The following CCDC85A variants were observed in gnomAD, a reference collection of about 807,000 sequenced individuals.
The protein encoded by CCDC85A is coiled-coil domain-containing protein 85A.
A neutral mutation model predicts 50.2 loss-of-function variants in CCDC85A; 38 were observed. That is an observed-to-expected ratio of 0.76 (90% CI 0.58 to 0.99). CCDC85A has a LOEUF of 0.99. CCDC85A is among the 50% of genes least tolerant of loss of function. The pLI is 0.00. For synonymous variants in CCDC85A, 366 were observed against 301.4 expected, an observed-to-expected ratio of 1.21 and a Z score of -2.22; for missense variants, 820 against 742.0, an observed-to-expected ratio of 1.11 and a Z score of -1.22.
At chr2:56,281,169 TTAAAG>T (rs1315439948) in intron 2 of CCDC85A, among the ~76,000 whole-genome samples, 1 of 152,202 alleles carries the variant, frequency 6.6e-6, no homozygotes, top group Admixed American at 6.5e-5. Flanking sequence ...GTTCTTGAGC[TTAAAG>T]TAAACAGAAC....
chr2:56,335,123 G>A (rs572283100), intron 2 of CCDC85A, among the ~76,000 whole-genome samples: 13 of 152,234 alleles, frequency 8.5e-5, no homozygotes, highest in South Asian at 4.1e-4. Flanking sequence ...TAAGAAAAGC[G>A]TCAAATTTTA....
intron 2 of CCDC85A, among the ~76,000 whole-genome samples, chr2:56,221,594 A>C (rs902444489): frequency 6.6e-5 from 10 of 152,120 alleles, no homozygotes; most frequent in Non-Finnish European, 1.5e-4. Flanking sequence ...TATAATTGTA[A>C]CACAAGAGTT....
intron 2 of CCDC85A, among the ~76,000 whole-genome samples, chr2:56,210,195 C>A (rs1334488713): frequency 6.6e-6 from 1 of 152,116 alleles, no homozygotes; most frequent in East Asian, 1.9e-4. Flanking sequence ...CTATGTACTA[C>A]ATGAGGAGTT....
chr2:56,372,697 A>G (rs1192706983), intron 4 of CCDC85A, among the ~76,000 whole-genome samples: 1 of 152,198 alleles, frequency 6.6e-6, no homozygotes, highest in African/African-American at 2.4e-5. Context: ...AAGTTGAGCA[A>G]CCGCATGCAG....
chr2:56,313,553 C>A (rs138498810), intron 2 of CCDC85A, among the ~76,000 whole-genome samples: 11 of 152,256 alleles, frequency 7.2e-5, no homozygotes, highest in Admixed American at 2.0e-4. Flanking sequence ...TGTCATTGCA[C>A]AGCAGACCAT....
chr2:56,269,112 T>C (rs559715923), intron 2 of CCDC85A, among the ~76,000 whole-genome samples: 1 of 152,302 alleles, frequency 6.6e-6, no homozygotes, highest in African/African-American at 2.4e-5. Flanking sequence ...GTAGGCCACA[T>C]TTATTTTACA....
intron 2 of CCDC85A, among the ~76,000 whole-genome samples, chr2:56,284,012 A>G (rs893334292): frequency 3.9e-5 from 6 of 152,106 alleles, no homozygotes; most frequent in African/African-American, 7.2e-5. Flanking sequence ...TTAAAACTCT[A>G]CATTTCCCTC....
At chr2:56,216,516 G>A (rs1194434600) in intron 2 of CCDC85A, among the ~76,000 whole-genome samples, 1 of 151,424 alleles carries the variant, frequency 6.6e-6, no homozygotes, top group Admixed American at 6.6e-5. Flanking sequence ...AATGTTTATC[G>A]ACATTAATTC....
At chr2:56,297,839 A>C (rs1175173963) in intron 2 of CCDC85A, among the ~76,000 whole-genome samples, 1 of 152,066 alleles carries the variant, frequency 6.6e-6, no homozygotes, top group African/African-American at 2.4e-5. Context: ...GGCATTTGGC[A>C]GATGGTTAGC....
chr2:56,288,877 G>T (rs1216727763), intron 2 of CCDC85A, among the ~76,000 whole-genome samples: 1 of 152,178 alleles, frequency 6.6e-6, no homozygotes, highest in Non-Finnish European at 1.5e-5. Context: ...GTGTTGCGGG[G>T]AGAAATCACA....
At chr2:56,363,523 A>T (rs777227467) in intron 3 of CCDC85A, among the ~76,000 whole-genome samples, 18 of 152,108 alleles carry the variant, frequency 1.2e-4, no homozygotes, top group Non-Finnish European at 1.8e-4. Flanking sequence ...TTGCTTCTCT[A>T]TTGACCTCTC....
chr2:56,249,362 T>C (rs1236164914), intron 2 of CCDC85A, among the ~76,000 whole-genome samples: 1 of 152,250 alleles, frequency 6.6e-6, no homozygotes, highest in Non-Finnish European at 1.5e-5. Flanking sequence ...GGGACACTTA[T>C]TGGCCATGCC....
At position 56,304,946 on chromosome 2, in the gene CCDC85A, A is replaced by AC. The variant is rs202078182; in HGVS notation, c.1241-37933_1241-37932insC. On this transcript the variant is annotated intron_variant, in intron 2 of 5. Coordinates refer to ENST00000407595, the MANE Select transcript of CCDC85A (RefSeq NM_001080433.2). ...AACAAACAAACAAACAAAAAAACAA[A>AC]AAAAAAAAAACCTGGGCGTGGTGGT... Among the ~76,000 whole-genome samples, 541 of 145,272 alleles carry AC rather than the reference A, an allele frequency of 3.7e-3. 3 individuals are homozygous for AC. Among genetic ancestry groups the AC allele is most frequent in the African/African-American group, 0.014 (516 of 35,764 alleles).
chr2:56,247,093 G>A (rs560743674), intron 2 of CCDC85A, among the ~76,000 whole-genome samples: 1 of 152,174 alleles, frequency 6.6e-6, no homozygotes, highest in African/African-American at 2.4e-5. Context: ...CCCTCAAAAT[G>A]TGGTTATGCT....
At chr2:56,367,635 C>T (rs930522730) in intron 3 of CCDC85A, among the ~76,000 whole-genome samples, 3 of 152,146 alleles carry the variant, frequency 2.0e-5, no homozygotes, top group African/African-American at 7.2e-5. Flanking sequence ...GTAGAAACTG[C>T]ATAGTTTTGA....
At chr2:56,316,692 T>A (rs889499129) in intron 2 of CCDC85A, among the ~76,000 whole-genome samples, 1 of 152,082 alleles carries the variant, frequency 6.6e-6, no homozygotes, top group African/African-American at 2.4e-5. Context: ...TAAGGGGATG[T>A]TCTGTGAAGT....
chr2:56,381,033 T>G (rs1676561786), intron 5 of CCDC85A, among the ~76,000 whole-genome samples: 1 of 152,140 alleles, frequency 6.6e-6, no homozygotes, highest in East Asian at 1.9e-4. Flanking sequence ...GTTTCTGGAA[T>G]CCAGTAAATG....
chr2:56,267,804 A>C (rs1670519856), intron 2 of CCDC85A, among the ~76,000 whole-genome samples: 1 of 152,194 alleles, frequency 6.6e-6, no homozygotes. Flanking sequence ...ACTAGCTAAA[A>C]TCTAACTATC....
intron 2 of CCDC85A, among the ~76,000 whole-genome samples, chr2:56,266,295 T>G (rs1670436492): frequency 1.3e-5 from 2 of 152,168 alleles, no homozygotes; most frequent in South Asian, 4.1e-4. Context: ...AAGAATGTGG[T>G]GTGCTGGTAT....
Sources: gnomAD v4.1 joint callset for allele counts (sites outside exome capture counted in the v4.1 genomes callset) on GRCh38, gnomAD v4.1.1 for gene constraint, MANE v1.5 for transcripts, NCBI Gene and HGNC (gene_info 2026-07-23, HGNC 2026-07-21) for gene names.